The following NOTCH1 variants were observed in gnomAD, a reference collection of about 807,000 sequenced individuals.
NOTCH1 encodes notch receptor 1.
NOTCH1 carries 37 observed loss-of-function variants against 254.8 expected under a neutral mutation model. The observed-to-expected ratio is 0.15, with a 90% CI of 0.11 to 0.19. The LOEUF (loss-of-function observed/expected upper bound fraction) is 0.19, where lower values mean the gene tolerates loss of function less well. NOTCH1 is among the 10% of genes least tolerant of loss of function. The pLI is 1.00. For synonymous variants in NOTCH1, 1,731 were observed against 1,618.1 expected (o/e 1.07, Z -1.68); for missense variants, 2,972 against 3,708.6 (o/e 0.80, Z 5.16).
rs1231366563 is a variant in NOTCH1 at position 136,523,226 on chromosome 9, C to A, written c.404-38G>T. On this transcript the variant is annotated intron_variant, in intron 3 of 33. Transcript: ENST00000651671. ...GGACAAGAGGGTCGTGCTGGCCTCACTGCTCCCCGAGGCCGGGCCTTCCCT... is the reference window on the plus strand; with the variant it reads ...GGACAAGAGGGTCGTGCTGGCCTCAATGCTCCCCGAGGCCGGGCCTTCCCT... The A allele has an allele frequency of 4.5e-6, 7 of 1,552,332 alleles. No homozygotes were observed. In the African/African-American group the frequency reaches 9.5e-5, roughly 21 times the overall value.
chr9:136,502,824 A>G (rs775290245), intron 27 of NOTCH1: 7 of 562,316 alleles, frequency 1.2e-5, no homozygotes, highest in Non-Finnish European at 2.2e-5. Flanking sequence ...AAACTTCAAC[A>G]CTTCACATGA....
intron 2 of NOTCH1, among the ~76,000 whole-genome samples, chr9:136,539,626 G>A (rs1013636739): frequency 2.6e-5 from 4 of 152,212 alleles, no homozygotes; most frequent in African/African-American, 7.2e-5. Context: ...CTGACCTCAG[G>A]TGATCTGCCC....
chr9:136,531,813 C>G lies in NOTCH1; in HGVS notation c.141-7834G>C, dbSNP rs78991132. ...CCACCAGGACACCTCTGTGTGCCTC[C>G]CGATTCGGCCGCAGATGGACGGCGG... On this transcript the variant is annotated intron_variant, in intron 2 of 33. Transcript: ENST00000651671. Among the ~76,000 whole-genome samples the G allele has an allele frequency of 4.8e-3, 736 of 152,372 alleles. 9 individuals carry two copies. The highest frequency in any genetic ancestry group is 0.016 in the African/African-American group (665 of 41,588).
At chr9:136,527,796 G>GC (rs1171413648) in intron 2 of NOTCH1, among the ~76,000 whole-genome samples, 5 of 152,158 alleles carry the variant, frequency 3.3e-5, no homozygotes, top group Non-Finnish European at 7.4e-5. Flanking sequence ...TCCTATCTGG[G>GC]CCCCCCGCAG....
chr9:136,519,735 C>G (rs929232125), intron 4 of NOTCH1, 170 bp from the exon 5 acceptor site: 1 of 866,108 alleles, frequency 1.2e-6, no homozygotes, highest in Admixed American at 1.9e-5. Flanking sequence ...GAGGGACACG[C>G]CCTGCTTGAA....
rs546206260 is a variant in NOTCH1, at chr9:136,499,357, C to T, written c.5935-98G>A. ...CTGGACGGGAAGCCCCACTGTCTTC[C>T]GGACACAGACGAGACCCTCCTGAGA... On this transcript the variant is annotated intron_variant, in intron 31 of 33. Transcript: ENST00000651671. The T allele has an allele frequency of 2.3e-5, 34 of 1,502,328 alleles. No homozygotes were observed. The East Asian group carries it at 4.3e-4, about 19-fold the overall frequency. The allele number at this position is 1,502,328 out of a possible 1,614,324, so 93.1% of individuals were successfully genotyped here. A position where few individuals can be genotyped will look rare whatever the true frequency, so the allele number is the denominator to read the frequency against.
At chr9:136,517,538 C>T (rs1057107080) in intron 8 of NOTCH1, among the ~76,000 whole-genome samples, 153 bp from the exon 9 acceptor site, 2 of 152,156 alleles carry the variant, frequency 1.3e-5, no homozygotes, top group Non-Finnish European at 2.9e-5. Context: ...CAGCCCGTGG[C>T]CCCTGGCCCG....
chr9:136,538,583 G>C (rs1376051437), intron 2 of NOTCH1, among the ~76,000 whole-genome samples: 1 of 152,264 alleles, frequency 6.6e-6, no homozygotes, highest in Non-Finnish European at 1.5e-5. Flanking sequence ...ATGCCCCAAA[G>C]CCAGCCGCTC....
At position 136,496,218 on chromosome 9, in the gene NOTCH1, G is replaced by T; in HGVS notation, c.7521C>A (p.His2507Gln). 6.2e-7 allele frequency: 1 copy of T among 1,608,622 alleles called. No homozygotes were observed. The highest frequency in any genetic ancestry group is 8.5e-7 in the Non-Finnish European group (1 of 1,177,852). ...ACTCAGGGGACGGGGTGAGGAAGGG[G>T]TGCTCAGGCACCTGTAGCTGGTGGC... ...TPSHQLQVPE[H>Q]PFLTPSPESP... Residue 2507 changes from histidine (H) to glutamine (Q), a missense_variant, in exon 34 of 34, where the codon CAC becomes CAA. Coordinates refer to ENST00000651671, the MANE Select transcript of NOTCH1 (RefSeq NM_017617.5).
intron 6 of NOTCH1, 108 bp downstream of exon 6, chr9:136,518,483 T>G: frequency 1.7e-6 from 2 of 1,185,418 alleles, no homozygotes; most frequent in Non-Finnish European, 2.4e-6. Context: ...GAAAGGCCCT[T>G]TCAGGTTATC....
intron 8 of NOTCH1, 85 bp downstream of exon 8, chr9:136,517,667 A>G (rs1843297926): frequency 6.5e-7 from 1 of 1,531,300 alleles, no homozygotes; most frequent in Admixed American, 1.7e-5. Flanking sequence ...GGAAAGCGGA[A>G]GCAACCCACA....
chr9:136,516,650 CA>C (rs1204196634), intron 9 of NOTCH1, among the ~76,000 whole-genome samples: 1 of 152,150 alleles, frequency 6.6e-6, no homozygotes, highest in Non-Finnish European at 1.5e-5. Context: ...TCCCTCCCAG[CA>C]TCGAGCCCTC....
rs577746187 is a variant in NOTCH1, at chr9:136,544,419, CAG to C, written c.62-319_62-318del. The stretch of plus-strand genomic sequence containing the variant: ...CCGCCTGGACGCAGTGGGGGAAAAG[CAG>C]AGACAAAGTGGGCTACTCTCCAAAG... On this transcript the variant is annotated intron_variant, in intron 1 of 33. Coordinates refer to ENST00000651671, the MANE Select transcript of NOTCH1 (RefSeq NM_017617.5). Among the ~76,000 whole-genome samples, 187 of 152,296 alleles carry C rather than the reference CAG, an allele frequency of 1.2e-3. 3 individuals are homozygous for C. The South Asian group carries it at 0.037, about 30-fold the overall frequency.
intron 9 of NOTCH1, among the ~76,000 whole-genome samples, chr9:136,516,529 G>A (rs1052368656): frequency 3.3e-5 from 5 of 152,196 alleles, no homozygotes; most frequent in South Asian, 4.1e-4. Context: ...AGTCCGCCCC[G>A]GGCAGCCATC....
In NOTCH1 at chr9:136,504,973, G is replaced by A. The variant is rs573864607; in HGVS notation, c.4718C>T (p.Thr1573Met). 17 of 1,588,160 alleles carry A rather than the reference G, an allele frequency of 1.1e-5. No individual in the cohort carries two copies. The highest frequency in any genetic ancestry group is 9.4e-5 in the African/African-American group (7 of 74,566). Residue 1573 changes from threonine to methionine, a missense_variant, in exon 26 of 34, where the codon ACG becomes ATG. Physicochemically the swap from Thr to Met is moderately conservative, Grantham distance 81. Transcript: ENST00000651671. Reference sequence around the variant, plus strand: ...CGGCATCAGCACCACCACCACCAGCGTGCCGGCCGCCAGCCTCTCGGGTAC... The same window carrying A: ...CGGCATCAGCACCACCACCACCAGCATGCCGGCCGCCAGCCTCTCGGGTAC... ...EHVPERLAAG[T>M]LVVVVLMPPE...
intron 2 of NOTCH1, among the ~76,000 whole-genome samples, chr9:136,525,848 C>T (rs1045675805): frequency 2.0e-5 from 3 of 152,250 alleles, no homozygotes; most frequent in African/African-American, 7.2e-5. Context: ...AGGCATCTGT[C>T]TTCCCCGAAG....
In NOTCH1 at chr9:136,510,791, C is replaced by T; in HGVS notation, c.2602G>A (p.Val868Ile). 5 of 1,609,708 alleles carry T rather than the reference C, an allele frequency of 3.1e-6. No individual in the cohort carries two copies. The South Asian group carries it at 5.5e-5, about 18-fold the overall frequency. ...CTCAGAACGCACTCGTTGATGTCGA[C>T]CTCACAGGTCTGCCCTGCGGGGCAG... Reference protein sequence around the residue: ...PTGWQGQTCEVDINECVLSPC... With the variant: ...PTGWQGQTCEIDINECVLSPC... The change falls in exon 17 of 34, where the codon GTC becomes ATC. Residue 868 changes from valine (V) to isoleucine (I), a missense_variant. Val to Ile is a conservative substitution (Grantham distance 29). Around this residue, in one of 8 missense-constraint regions of NOTCH1, gnomAD observed 1,343 missense variants for 1,557.0 expected, o/e 0.86. Coordinates refer to ENST00000651671, the MANE Select transcript of NOTCH1 (RefSeq NM_017617.5).
intron 8 of NOTCH1, 111 bp downstream of exon 8, chr9:136,517,641 A>G (rs1433742885): frequency 4.4e-6 from 6 of 1,357,478 alleles, no homozygotes; most frequent in Non-Finnish European, 6.2e-6. Context: ...GTGGGCCCAG[A>G]AGGCATGGAG....
chr9:136,533,024 T>C (rs1564209248), intron 2 of NOTCH1, among the ~76,000 whole-genome samples: 1 of 152,192 alleles, frequency 6.6e-6, no homozygotes, highest in Non-Finnish European at 1.5e-5. Context: ...AGCTCTGTGC[T>C]GGGCCAGACC....
Sources: gnomAD v4.1 joint callset for allele counts (sites outside exome capture counted in the v4.1 genomes callset) on GRCh38, gnomAD v4.1.1 for gene constraint, gnomAD v4.1.1 regional missense constraint, MANE v1.5 for transcripts, NCBI Gene and HGNC (gene_info 2026-07-23, HGNC 2026-07-21) for gene names.